ROBO2: variants seen among roughly 807,000 people sequenced by gnomAD.
ROBO2 encodes the protein roundabout guidance receptor 2, also known as roundabout homolog 2.
A neutral mutation model predicts 160.8 loss-of-function variants in ROBO2; 53 were observed. The observed-to-expected ratio is 0.33, with a 90% confidence interval of 0.26 to 0.41. The LOEUF (loss-of-function observed/expected upper bound fraction) is 0.41. Ranked by LOEUF, ROBO2 falls within the 10% of genes least tolerant of loss-of-function variation. ROBO2 has a pLI of 1.00. For missense variants in ROBO2, 1,577 were observed against 1,722.4 expected, an observed-to-expected ratio of 0.92 and a Z score of 1.49; for synonymous variants, 664 against 611.7, an observed-to-expected ratio of 1.09 and a Z score of -1.26.
At chr3:76,025,507 G>A (rs2066712893) in intron 2 of ROBO2, among the ~76,000 whole-genome samples, 1 of 151,738 alleles carries the variant, frequency 6.6e-6, no homozygotes, top group African/African-American at 2.4e-5. Flanking sequence ...CTGTGGATTA[G>A]ATATCAATCA....
At chr3:76,442,759 C>T (rs2109138010) in intron 2 of ROBO2, among the ~76,000 whole-genome samples, 1 of 152,234 alleles carries the variant, frequency 6.6e-6, no homozygotes, top group South Asian at 2.1e-4. Context: ...GTATGTACTA[C>T]CCACTCATTC....
intron 2 of ROBO2, among the ~76,000 whole-genome samples, chr3:77,305,709 T>A (rs1040612779): frequency 5.3e-5 from 8 of 152,198 alleles, no homozygotes; most frequent in African/African-American, 1.9e-4. Context: ...AAAGTGCAAG[T>A]CACAACAAAA....
chr3:76,326,688 A>T lies in ROBO2; in HGVS notation c.109+389086A>T, dbSNP rs1221722848. Reference sequence around the variant, plus strand: ...CATTGTGCAGGTTAGTTACATACGTATACATGTGCCATGCTGGTGTGCTGC... The same window carrying T: ...CATTGTGCAGGTTAGTTACATACGTTTACATGTGCCATGCTGGTGTGCTGC... On this transcript the variant is annotated intron_variant, in intron 2 of 26. Transcript: ENST00000487694. Among the ~76,000 whole-genome samples the T allele has an allele frequency of 3.3e-5, 5 of 151,714 alleles. No homozygotes were observed. The East Asian group carries it at 9.7e-4, about 30-fold the overall frequency.
chr3:76,553,905 C>T (rs2083560000), intron 2 of ROBO2, among the ~76,000 whole-genome samples: 1 of 152,132 alleles, frequency 6.6e-6, no homozygotes, highest in South Asian at 2.1e-4. Context: ...GTGTGGAAAA[C>T]AGGCAGTGGA....
intron 2 of ROBO2, among the ~76,000 whole-genome samples, chr3:77,184,517 A>G (rs1454828048): frequency 6.6e-6 from 1 of 152,082 alleles, no homozygotes; most frequent in Non-Finnish European, 1.5e-5. Flanking sequence ...TGGGAACCAA[A>G]TAATGACTTC....
At chr3:76,011,803 T>C (rs570113358) in intron 2 of ROBO2, among the ~76,000 whole-genome samples, 1 of 152,296 alleles carries the variant, frequency 6.6e-6, no homozygotes, top group East Asian at 1.9e-4. Flanking sequence ...TCCAGTCATC[T>C]GTCTTTCAGC....
chr3:76,652,594 T>G (rs1396173020), intron 2 of ROBO2, among the ~76,000 whole-genome samples: 1 of 152,234 alleles, frequency 6.6e-6, no homozygotes, highest in Non-Finnish European at 1.5e-5. Flanking sequence ...TTTAGCAGTT[T>G]AAGATATATA....
chr3:77,224,415 T>A (rs568255589), intron 2 of ROBO2, among the ~76,000 whole-genome samples: 1 of 152,124 alleles, frequency 6.6e-6, no homozygotes, highest in South Asian at 2.1e-4. Flanking sequence ...ATGCCAGTGA[T>A]ATTCTTTGCT....
At chr3:76,016,350 A>C (rs955621975) in intron 2 of ROBO2, among the ~76,000 whole-genome samples, 2 of 152,048 alleles carry the variant, frequency 1.3e-5, no homozygotes, top group African/African-American at 4.8e-5. Flanking sequence ...TAAAGTCTTT[A>C]TACTAAAATA....
At chr3:77,072,543 C>G (rs970552581) in intron 1 of ROBO2, among the ~76,000 whole-genome samples, 4 of 152,166 alleles carry the variant, frequency 2.6e-5, no homozygotes, top group African/African-American at 4.8e-5. Flanking sequence ...CTTACCATGG[C>G]TAATTCCATT....
intron 2 of ROBO2, among the ~76,000 whole-genome samples, chr3:77,337,282 G>C (rs1054803276): frequency 6.6e-6 from 1 of 152,136 alleles, no homozygotes; most frequent in African/African-American, 2.4e-5. Flanking sequence ...CCAGTGATCA[G>C]AAAGTAATTT....
chr3:76,819,708 T>C (rs1178343390), intron 2 of ROBO2, among the ~76,000 whole-genome samples: 1 of 152,028 alleles, frequency 6.6e-6, no homozygotes, highest in African/African-American at 2.4e-5. Context: ...AATATTAATG[T>C]ATATTAATTA....
At chr3:76,742,113 A>G (rs2093811923) in intron 2 of ROBO2, among the ~76,000 whole-genome samples, 1 of 152,254 alleles carries the variant, frequency 6.6e-6, no homozygotes, top group East Asian at 1.9e-4. Flanking sequence ...GAGTAGAAAC[A>G]GGCTTATCTA....
intron 2 of ROBO2, among the ~76,000 whole-genome samples, chr3:77,359,180 C>A (rs1222109786): frequency 6.6e-6 from 1 of 152,244 alleles, no homozygotes; most frequent in African/African-American, 2.4e-5. Context: ...GGATTTTATT[C>A]GTTTCTCAGG....
chr3:76,165,777 A>C (rs1339583941), intron 2 of ROBO2, among the ~76,000 whole-genome samples: 2 of 152,162 alleles, frequency 1.3e-5, no homozygotes, highest in Admixed American at 6.5e-5. Context: ...ATCTCAGAGA[A>C]TAGGAAGGCT....
Position 76,400,174 on chromosome 3 carries a change from A to G in ROBO2, c.109+462572A>G, listed in dbSNP as rs576634937. Among the ~76,000 whole-genome samples, 33 of 151,804 alleles carry G rather than the reference A, an allele frequency of 2.2e-4. No individual in the cohort carries two copies. The South Asian group carries it at 6.8e-3, about 31-fold the overall frequency. ...GTTTGCACTTGGAAAACATTCTGGAATACTTAAAATTGAATAAAAAATTGC... is the reference window on the plus strand; with the variant it reads ...GTTTGCACTTGGAAAACATTCTGGAGTACTTAAAATTGAATAAAAAATTGC... On this transcript the variant is annotated intron_variant, in intron 2 of 26. Coordinates refer to the ROBO2 transcript ENST00000487694.
chr3:76,614,042 T>TTCACCTTATAC (rs2088366790), intron 2 of ROBO2, among the ~76,000 whole-genome samples: 1 of 152,046 alleles, frequency 6.6e-6, no homozygotes, highest in African/African-American at 2.4e-5. Flanking sequence ...CTGAATTTAT[T>TTCACCTTATAC]TCACCTTATA....
At chr3:77,461,470 T>G (rs919079773) in intron 2 of ROBO2, among the ~76,000 whole-genome samples, 3 of 152,080 alleles carry the variant, frequency 2.0e-5, no homozygotes, top group Non-Finnish European at 4.4e-5. Context: ...GTATCCTGTA[T>G]GAAAAATTGT....
chr3:76,823,442 A>G (rs921547385), intron 2 of ROBO2, among the ~76,000 whole-genome samples: 1 of 152,172 alleles, frequency 6.6e-6, no homozygotes, highest in African/African-American at 2.4e-5. Flanking sequence ...ATTAAATACA[A>G]AGGATAAAAT....
Sources: gnomAD v4.1 joint callset for allele counts (sites outside exome capture counted in the v4.1 genomes callset) on GRCh38, gnomAD v4.1.1 for gene constraint, MANE v1.5 for transcripts, NCBI Gene and HGNC (gene_info 2026-07-23, HGNC 2026-07-21) for gene names.